The following SEMA3C variants were observed in gnomAD, a reference collection of about 807,000 sequenced individuals.
The protein encoded by SEMA3C is semaphorin-3C.
SEMA3C carries 47 observed loss-of-function variants against 89.4 expected under a neutral mutation model. The ratio of observed to expected loss-of-function variants is 0.53; its 90% CI spans 0.42 to 0.67. SEMA3C has a LOEUF of 0.67. Among genes scored for constraint, SEMA3C ranks in the 30% least tolerant of loss-of-function variants. The pLI, the probability that SEMA3C is intolerant of heterozygous loss-of-function variation, is 0.00. For missense variants in SEMA3C, 839 were observed against 929.1 expected (o/e 0.90, Z 1.26); for synonymous variants, 310 against 320.2 (o/e 0.97, Z 0.34).
chr7:80,827,464 G>A lies in SEMA3C; in HGVS notation c.288C>T (p.Ile96=). Residue 96 remains isoleucine, a synonymous_variant, in exon 4 of 18, where the codon ATC becomes ATT. Coordinates refer to ENST00000265361, the MANE Select transcript of SEMA3C (RefSeq NM_006379.5). Reference sequence around the variant, plus strand: ...CAGCCATTTTGCATTCTTCAACTTTGATTGTAGATGCTGGCCAGAAAACCT... The same window carrying A: ...CAGCCATTTTGCATTCTTCAACTTTAATTGTAGATGCTGGCCAGAAAACCT... ...ALSVFWPAST[I]KVEECKMAGK... The A allele has an allele frequency of 2.0e-6, 3 of 1,491,228 alleles. No individual in the cohort carries two copies. The highest frequency in any genetic ancestry group is 2.7e-6 in the Non-Finnish European group (3 of 1,117,216). The allele number at this position is 1,491,228 out of a possible 1,614,324, so 92.4% of individuals were successfully genotyped here.
intron 2 of SEMA3C, among the ~76,000 whole-genome samples, chr7:80,897,665 G>A (rs1376382616): frequency 2.6e-5 from 4 of 152,190 alleles, no homozygotes; most frequent in African/African-American, 9.6e-5. Context: ...TTAAAAAAAA[G>A]TTTGAGGCTG....
chr7:80,917,162 T>C (rs1420206211), intron 1 of SEMA3C, among the ~76,000 whole-genome samples: 1 of 152,144 alleles, frequency 6.6e-6, no homozygotes, highest in East Asian at 1.9e-4. Context: ...TAAAAAGACT[T>C]GAATAGAATT....
Position 80,765,137 on chromosome 7 carries a change from TA to T in SEMA3C, c.1443+17del. Reference sequence around the variant, plus strand: ...CTCATCATGCATGTTCTGAGATTAATAGAAGAGATGTTCAAACCTTAAAGAC... The same window carrying T: ...CTCATCATGCATGTTCTGAGATTAATGAAGAGATGTTCAAACCTTAAAGAC... On this transcript the variant is annotated intron_variant, in intron 13 of 17. Coordinates refer to ENST00000265361, the MANE Select transcript of SEMA3C (RefSeq NM_006379.5). The T allele has an allele frequency of 3.2e-6, 5 of 1,571,836 alleles. No individual in the cohort carries two copies. The highest frequency in any genetic ancestry group is 4.4e-6 in the Non-Finnish European group (5 of 1,144,274).
rs1191680534 is a variant in SEMA3C at position 80,919,002 on chromosome 7, C to A, written c.-213G>T. 1 of 985,254 alleles carries A rather than the reference C, an allele frequency of 1.0e-6. No homozygotes were observed. The highest frequency in any genetic ancestry group is 1.2e-6 in the Non-Finnish European group (1 of 829,928). 61.0% of individuals were successfully genotyped at this position (985,254 alleles called of 1,614,324 possible). On this transcript the variant is annotated 5_prime_UTR_variant, in exon 1 of 18. Transcript: ENST00000265361. The stretch of plus-strand genomic sequence containing the variant: ...TAAAGGAATCTCAGCGCTGCAGTGC[C>A]GCGGCACCCGGAGCTCTTCTCCGCG...
At chr7:80,896,862 C>T (rs1338539191) in intron 2 of SEMA3C, among the ~76,000 whole-genome samples, 1 of 152,192 alleles carries the variant, frequency 6.6e-6, no homozygotes, top group African/African-American at 2.4e-5. Flanking sequence ...GTCTTCTGCC[C>T]TTACCCAGCT....
chr7:80,795,478 C>T (rs893785677), intron 11 of SEMA3C, among the ~76,000 whole-genome samples: 2 of 151,994 alleles, frequency 1.3e-5, no homozygotes, highest in Middle Eastern at 3.2e-3. Flanking sequence ...CCTTTTTTCA[C>T]GGAGTCTGTT....
intron 16 of SEMA3C, among the ~76,000 whole-genome samples, chr7:80,750,465 TATATATATACAC>T (rs1236143142): frequency 6.9e-4 from 44 of 63,882 alleles, no homozygotes; most frequent in East Asian, 2.6e-3. Flanking sequence ...TATATATATA[TATATATATACAC>T]ACACACACAC....
rs547604889 is a variant in SEMA3C at position 80,812,774 on chromosome 7, T to TTTG, written c.448-2076_448-2074dup. Among the ~76,000 whole-genome samples, 337 of 151,922 alleles carry TTTG rather than the reference T, an allele frequency of 2.2e-3. 1 individual carries two copies. Among genetic ancestry groups the TTTG allele is most frequent in the Non-Finnish European group, 4.1e-3 (276 of 67,964 alleles). ...CTCTTTTTGACTTTGATTGCATGTT[T>TTTG]TTGTTGTTGTTGTTGTTTGTTTGTC... On this transcript the variant is annotated intron_variant, in intron 5 of 17. Coordinates refer to ENST00000265361, the MANE Select transcript of SEMA3C (RefSeq NM_006379.5).
At chr7:80,858,387 C>T (rs1202521042) in intron 2 of SEMA3C, among the ~76,000 whole-genome samples, 1 of 152,008 alleles carries the variant, frequency 6.6e-6, no homozygotes, top group East Asian at 1.9e-4. Flanking sequence ...TGACCAGATA[C>T]CAGATCCCAG....
chr7:80,859,965 C>T (rs1790732288), intron 2 of SEMA3C, among the ~76,000 whole-genome samples: 1 of 151,790 alleles, frequency 6.6e-6, no homozygotes, highest in African/African-American at 2.4e-5. Context: ...CATCTGTGTG[C>T]TATAAACTCA....
At chr7:80,789,080 A>T (rs574280765) in intron 12 of SEMA3C, among the ~76,000 whole-genome samples, 1 of 152,010 alleles carries the variant, frequency 6.6e-6, no homozygotes, top group Admixed American at 6.6e-5. Context: ...TATATAATGT[A>T]TATATCTCTA....
Position 80,916,157 on chromosome 7 carries a change from C to T in SEMA3C, c.103+522G>A, listed in dbSNP as rs113366836. ...ATATTTCCAATTATTCTTTTAGGTC[C>T]TTTTCAATTAATTAGGGGACTATGC... On this transcript the variant is annotated intron_variant, in intron 2 of 17. Transcript: ENST00000265361. Among the ~76,000 whole-genome samples the T allele has an allele frequency of 6.2e-3, 945 of 152,254 alleles. 13 individuals are homozygous for T. The highest frequency in any genetic ancestry group is 0.02 in the African/African-American group (843 of 41,540).
At chr7:80,747,486 T>A (rs1787828747) in intron 17 of SEMA3C, among the ~76,000 whole-genome samples, 1 of 152,146 alleles carries the variant, frequency 6.6e-6, no homozygotes, top group Non-Finnish European at 1.5e-5. Flanking sequence ...TATAGGCTTT[T>A]TCTGGAAGGA....
intron 12 of SEMA3C, among the ~76,000 whole-genome samples, chr7:80,785,517 G>A (rs904035326): frequency 6.6e-6 from 1 of 152,154 alleles, no homozygotes; most frequent in Non-Finnish European, 1.5e-5. Context: ...TCCTTCCCAA[G>A]ACAGTTAGAT....
Position 80,907,564 on chromosome 7 carries a change from TG to T in SEMA3C, c.103+9114del. The stretch of plus-strand genomic sequence containing the variant: ...TGGAGGCTTTTGATGCCAGAAAGAT[TG>T]TTTTTATAAACAATCTATAAGGGTG... On this transcript the variant is annotated intron_variant, in intron 2 of 17. Transcript: ENST00000265361. Among the ~76,000 whole-genome samples the T allele has an allele frequency of 2.0e-5, 3 of 152,178 alleles. No homozygotes were observed. In the Middle Eastern group the frequency reaches 0.01, roughly 518 times the overall value.
chr7:80,919,353 C>T, upstream of SEMA3C: 4 of 985,302 alleles, frequency 4.1e-6, no homozygotes, highest in Non-Finnish European at 4.8e-6. Flanking sequence ...TCGCAGTCCG[C>T]GGCGGAGTGA....
chr7:80,815,852 C>T (rs1352492168), intron 5 of SEMA3C: 4 of 152,014 alleles, frequency 2.6e-5, no homozygotes, highest in South Asian at 4.1e-4. Context: ...TAATTGGTAT[C>T]TGGGTGTTGA....
At chr7:80,790,100 T>C (rs1220030552) in intron 11 of SEMA3C, among the ~76,000 whole-genome samples, 4 of 151,924 alleles carry the variant, frequency 2.6e-5, no homozygotes, top group African/African-American at 9.7e-5. Context: ...CTGGGCAACA[T>C]AGCAAAATTT....
intron 2 of SEMA3C, among the ~76,000 whole-genome samples, chr7:80,871,604 G>A (rs1791060284): frequency 6.6e-6 from 1 of 152,224 alleles, no homozygotes; most frequent in Non-Finnish European, 1.5e-5. Flanking sequence ...ACCTTGAGCA[G>A]TAGGATATAA....
Sources: allele counts gnomAD v4.1 joint callset (sites outside exome capture counted in the v4.1 genomes callset), GRCh38; gene constraint gnomAD v4.1.1; transcripts MANE v1.5; gene names NCBI Gene and HGNC (gene_info 2026-07-23, HGNC 2026-07-21).